The following TCF3 variants were observed in gnomAD, a reference collection of about 807,000 sequenced individuals.
TCF3 encodes transcription factor 3.
TCF3 carries 54 observed loss-of-function variants against 72.3 expected under a neutral mutation model. That is an observed-to-expected ratio of 0.75 (90% CI 0.60 to 0.94). TCF3 has a LOEUF of 0.94. Among genes scored for constraint, TCF3 ranks in the 40% least tolerant of loss-of-function variants. The pLI, the probability that TCF3 is intolerant of heterozygous loss-of-function variation, is 0.00. For missense variants in TCF3, 1,078 were observed against 934.4 expected (o/e 1.15, Z -2.00); for synonymous variants, 525 against 412.6 (o/e 1.27, Z -3.30).
chr19:1,616,029 G>A (rs989581651), intron 16 of TCF3, among the ~76,000 whole-genome samples: 2 of 152,212 alleles, frequency 1.3e-5, no homozygotes, highest in African/African-American at 4.8e-5. Flanking sequence ...ACCACAAGAT[G>A]AAAGGGAAAC....
chr19:1,649,002 C>T (rs2066581892), intron 2 of TCF3, among the ~76,000 whole-genome samples: 2 of 152,236 alleles, frequency 1.3e-5, no homozygotes, highest in South Asian at 4.1e-4. Flanking sequence ...GGCATTCCAG[C>T]CTCACTGCAC....
chr19:1,641,790 T>C (rs1008939035), intron 3 of TCF3, among the ~76,000 whole-genome samples: 8 of 151,924 alleles, frequency 5.3e-5, no homozygotes, highest in Non-Finnish European at 1.2e-4. Flanking sequence ...ACAGGGTTTC[T>C]CCATGTTGCC....
intron 1 of TCF3, chr19:1,650,980 C>T (rs977107219): frequency 1.3e-4 from 29 of 231,556 alleles, no homozygotes; most frequent in Non-Finnish European, 1.7e-4. Flanking sequence ...AAAAAACAGC[C>T]CTAGATTGCT....
At chr19:1,649,288 G>A (rs552289249) in intron 2 of TCF3, among the ~76,000 whole-genome samples, 2 of 152,342 alleles carry the variant, frequency 1.3e-5, no homozygotes, top group African/African-American at 2.4e-5. Flanking sequence ...CAGCACCCAC[G>A]TGTGACTAAT....
intron 8 of TCF3, 121 bp from the exon 9 acceptor site, chr19:1,622,536 G>T: frequency 1.8e-6 from 1 of 551,142 alleles, no homozygotes; most frequent in Non-Finnish European, 3.1e-6. Context: ...TCCCTTCCCT[G>T]TAAAGCCACC....
chr19:1,651,275 A>G (rs1458415239), intron 1 of TCF3: 2 of 228,050 alleles, frequency 8.8e-6, no homozygotes, highest in African/African-American at 4.5e-5. Context: ...AGCCCGGGAG[A>G]CACCTCCGAG....
intron 5 of TCF3, chr19:1,631,814 C>T (rs916780867): frequency 7.4e-6 from 9 of 1,214,984 alleles, no homozygotes; most frequent in Non-Finnish European, 1.0e-5. Context: ...TGCCTCTACG[C>T]TCAGGCGGGG....
At chr19:1,618,722 T>C (rs576757512) in intron 16 of TCF3, among the ~76,000 whole-genome samples, 10 of 152,194 alleles carry the variant, frequency 6.6e-5, no homozygotes, top group Middle Eastern at 3.4e-3. Flanking sequence ...TTCAAAGCCA[T>C]ACAAAACCCC....
rs562975911 is a variant in TCF3, at chr19:1,615,792, C to T, written c.1480G>A (p.Ala494Thr). 2.9e-5 allele frequency: 45 copies of T among 1,577,894 alleles called. No individual in the cohort carries two copies. The highest frequency in any genetic ancestry group is 2.0e-4 in the African/African-American group (15 of 74,488). ...TTCTCCTCCCGCTTGATCTCGCTGGCGGCCGCCGTGGCACCTGCTCGCCCT... is the reference window on the plus strand; with the variant it reads ...TTCTCCTCCCGCTTGATCTCGCTGGTGGCCGCCGTGGCACCTGCTCGCCCT... ...GLGRAGATAAASEIKREEKED... is the reference protein window; with the variant it reads ...GLGRAGATAATSEIKREEKED... The change falls in exon 17 of 19, where the codon GCC becomes ACC. Residue 494 changes from alanine to threonine, a missense_variant. Transcript: ENST00000262965. The surrounding 1 kb of genome is among the most constrained non-coding windows in gnomAD (Gnocchi z 7.3).
At chr19:1,646,008 T>C (rs2066032053) in intron 3 of TCF3, among the ~76,000 whole-genome samples, 1 of 151,972 alleles carries the variant, frequency 6.6e-6, no homozygotes, top group South Asian at 2.1e-4. Context: ...GTTTCCCCCT[T>C]ATGGATTGAC....
chr19:1,615,772 C>G lies in TCF3; in HGVS notation c.1500G>C (p.Glu500Asp). The G allele has an allele frequency of 6.3e-7, 1 of 1,597,568 alleles. No individual in the cohort carries two copies. Among genetic ancestry groups the G allele is most frequent in the Non-Finnish European group, 8.5e-7 (1 of 1,169,634 alleles). The part of the protein sequence containing the change: ...ATAAASEIKR[E>D]EKEDEENTSA... ...ACGTGTTCTCCTCGTCCTCCTTCTC[C>G]TCCCGCTTGATCTCGCTGGCGGCCG... The change falls in exon 17 of 19, where the codon GAG (glutamate) becomes GAC (aspartate). Residue 500 changes from glutamate (E) to aspartate (D), a missense_variant. Glu to Asp is a conservative substitution (Grantham distance 45). Transcript: ENST00000262965. The surrounding 1 kb of genome is among the most constrained non-coding windows in gnomAD (Gnocchi z 7.3).
intron 2 of TCF3, among the ~76,000 whole-genome samples, chr19:1,648,154 G>C (rs1384300781): frequency 2.6e-5 from 4 of 152,200 alleles, no homozygotes; most frequent in Non-Finnish European, 5.9e-5. Context: ...GTTCTCCCTC[G>C]TATTTATTTG....
At chr19:1,627,822 A>G (rs2063108777) in intron 5 of TCF3, among the ~76,000 whole-genome samples, 1 of 94,266 alleles carries the variant, frequency 1.1e-5, no homozygotes, top group African/African-American at 4.8e-5. Flanking sequence ...GTGAGGCGGG[A>G]AGGGGACAGC....
chr19:1,627,290 G>T, intron 6 of TCF3, 69 bp downstream of exon 6: 9 of 1,366,590 alleles, frequency 6.6e-6, no homozygotes, highest in South Asian at 1.3e-5. Flanking sequence ...AGCTTCTGCA[G>T]ATCAGAGAGG....
At chr19:1,639,606 G>A (rs902655203) in intron 3 of TCF3, among the ~76,000 whole-genome samples, 4 of 152,022 alleles carry the variant, frequency 2.6e-5, no homozygotes, top group East Asian at 1.9e-4. Flanking sequence ...TTTCAGCCTC[G>A]GCAGAGGAGC....
chr19:1,610,300 A>T lies in TCF3; in HGVS notation c.*1407T>A, dbSNP rs1555707420. On this transcript the variant is annotated 3_prime_UTR_variant, in exon 19 of 19. Coordinates refer to ENST00000262965, the MANE Select transcript of TCF3 (RefSeq NM_003200.5). ...AGCCACTCTTGCCCTTGGACCACAC[A>T]GAGGGAGGGCAGCAGGTGTGGCCCC... 4.3e-6 allele frequency: 1 copy of T among 231,402 alleles called. No homozygotes were observed. Among genetic ancestry groups the T allele is most frequent in the South Asian group, 1.8e-4 (1 of 5,510 alleles). 14.3% of individuals were successfully genotyped at this position (231,402 alleles called of 1,614,324 possible). A position where few individuals can be genotyped will look rare whatever the true frequency, so the allele number is the denominator to read the frequency against.
chr19:1,621,122 CCACGCCT>C lies in TCF3; in HGVS notation c.1014+4_1014+10del. The C allele has an allele frequency of 6.5e-7, 1 of 1,538,842 alleles. No individual in the cohort carries two copies. The highest frequency in any genetic ancestry group is 8.8e-7 in the Non-Finnish European group (1 of 1,141,242). ...CACTTGCCTGGCCACCCCCCATGCCCCACGCCTCACCGAGGCCAGTGCTTTGCCGAGG... is the reference window on the plus strand; with the variant it reads ...CACTTGCCTGGCCACCCCCCATGCCCCACCGAGGCCAGTGCTTTGCCGAGG... On this transcript the variant is annotated splice_donor_5th_base_variant and intron_variant, in intron 12 of 18. Transcript: ENST00000262965.
intron 13 of TCF3, 36 bp downstream of exon 13, chr19:1,620,932 A>T (rs1208466520): frequency 7.0e-7 from 1 of 1,422,316 alleles, no homozygotes. Flanking sequence ...ACCCTCACAG[A>T]CCTCAGCCTC....
rs184581042 is a variant in TCF3, at chr19:1,639,381, C to T, written c.145+6974G>A. On this transcript the variant is annotated intron_variant, in intron 3 of 18. Coordinates refer to ENST00000262965, the MANE Select transcript of TCF3 (RefSeq NM_003200.5). ...TTTTTGTTGTTGACAATGGCTCGAC[C>T]CACAACGAAATCCCACTGTCTCAGC... is the stretch of plus-strand genomic sequence containing the variant. 2.6e-5 allele frequency among the ~76,000 whole-genome samples: 4 copies of T among 152,198 alleles called. No homozygotes were observed. In the East Asian group the frequency reaches 7.7e-4, roughly 29 times the overall value.
Sources: allele counts gnomAD v4.1 joint callset (sites outside exome capture counted in the v4.1 genomes callset), GRCh38; gene constraint gnomAD v4.1.1; non-coding constraint Gnocchi (gnomAD v3.1); transcripts MANE v1.5; gene names NCBI Gene and HGNC (gene_info 2026-07-23, HGNC 2026-07-21).